Variants in GRIN2B observed in about 807,000 individuals in gnomAD.
GRIN2B encodes the protein glutamate receptor ionotropic, NMDA 2B.
GRIN2B carries 5 observed loss-of-function variants against 114.5 expected under a neutral mutation model. The observed-to-expected ratio is 0.04, with a 90% confidence interval of 0.02 to 0.09. The LOEUF is 0.09. Among genes scored for constraint, GRIN2B ranks in the 10% least tolerant of loss-of-function variants. The pLI, the probability that GRIN2B is intolerant of heterozygous loss-of-function variation, is 1.00. For missense variants in GRIN2B, 1,108 were observed against 1,943.5 expected (o/e 0.57, Z 8.08); for synonymous variants, 787 against 745.1 (o/e 1.06, Z -0.92).
rs118172574 is a variant in GRIN2B at position 13,858,675 on chromosome 12, T to A, written c.411+7123A>T. On this transcript the variant is annotated intron_variant, in intron 3 of 13. Transcript: ENST00000609686. ...CTTCATGTAATAATTCACTTTTTTT[T>A]AACATATTAACACTTCCAAATCTAT... 6.4e-4 allele frequency among the ~76,000 whole-genome samples: 97 copies of A among 152,194 alleles called. No homozygotes were observed. In the East Asian group the frequency reaches 0.014, roughly 22 times the overall value.
At chr12:13,764,060 T>G (rs1336026155) in intron 3 of GRIN2B, among the ~76,000 whole-genome samples, 1 of 151,586 alleles carries the variant, frequency 6.6e-6, no homozygotes, top group African/African-American at 2.4e-5. Context: ...TGCAATACAA[T>G]CCACTAGGAT....
Position 13,981,495 on chromosome 12 carries a change from T to G in GRIN2B, c.-601A>C, listed in dbSNP as rs1863138324. 6.6e-6 allele frequency: 1 copy of G among 151,964 alleles called. No individual in the cohort carries two copies. Among genetic ancestry groups the G allele is most frequent in the African/African-American group, 2.4e-5 (1 of 41,348 alleles). 9.4% of individuals were successfully genotyped at this position (151,964 alleles called of 1,614,324 possible). A position where few individuals can be genotyped will look rare whatever the true frequency, so the allele number is the denominator to read the frequency against. On this transcript the variant is annotated 5_prime_UTR_variant, in exon 1 of 14. Coordinates refer to ENST00000609686, the MANE Select transcript of GRIN2B (RefSeq NM_000834.5). ...CTTTGCAAGGCAAAAGGATATGCAT[T>G]CGGACGCCAGCACTACTGGATGGTG...
chr12:13,878,012 C>T (rs560540741), intron 2 of GRIN2B, among the ~76,000 whole-genome samples: 11 of 144,074 alleles, frequency 7.6e-5, no homozygotes, highest in South Asian at 2.2e-4. Context: ...TCCAATGAGC[C>T]GAGATCGCAC....
intron 4 of GRIN2B, among the ~76,000 whole-genome samples, chr12:13,690,380 C>CAG (rs1950207043): frequency 6.7e-6 from 1 of 148,162 alleles, no homozygotes; most frequent in Admixed American, 6.7e-5. Context: ...CTCTCACACA[C>CAG]ACACACACAC....
intron 4 of GRIN2B, chr12:13,683,794 C>T (rs576608226): frequency 1.3e-5 from 2 of 152,188 alleles, no homozygotes; most frequent in African/African-American, 4.8e-5. Context: ...ATATAAAGGA[C>T]TTAGAATTCT....
chr12:13,580,960 C>A (rs1183385916), intron 10 of GRIN2B, among the ~76,000 whole-genome samples: 1 of 152,110 alleles, frequency 6.6e-6, no homozygotes, highest in African/African-American at 2.4e-5. Context: ...TATGATAATG[C>A]CTTTGAGATT....
chr12:13,575,673 C>CAACAATAATAAT (rs113820666), intron 10 of GRIN2B, among the ~76,000 whole-genome samples: 4 of 147,690 alleles, frequency 2.7e-5, no homozygotes, highest in African/African-American at 7.5e-5. Context: ...ATGATAACAA[C>CAACAATAATAAT]AATAATAATA....
At chr12:13,647,888 C>T (rs1949776658) in intron 5 of GRIN2B, among the ~76,000 whole-genome samples, 1 of 152,066 alleles carries the variant, frequency 6.6e-6, no homozygotes, top group Non-Finnish European at 1.5e-5. Context: ...AGCTTCTCCT[C>T]AATACTATTG....
chr12:13,755,396 A>G (rs141975059), intron 3 of GRIN2B, among the ~76,000 whole-genome samples: 65 of 152,278 alleles, frequency 4.3e-4, no homozygotes, highest in African/African-American at 1.6e-3. Flanking sequence ...TGAACTTTTC[A>G]CATTTTCCAC....
intron 8 of GRIN2B, among the ~76,000 whole-genome samples, chr12:13,614,129 T>C (rs1949403921): frequency 6.6e-6 from 1 of 151,838 alleles, no homozygotes; most frequent in African/African-American, 2.4e-5. Flanking sequence ...AAGGCTGGAA[T>C]TTGCTTCACT....
chr12:13,606,628 C>A (rs1242365662), intron 10 of GRIN2B, among the ~76,000 whole-genome samples: 2 of 152,130 alleles, frequency 1.3e-5, no homozygotes, highest in African/African-American at 2.4e-5. Context: ...TACCCTAAGC[C>A]ACAACCAAGT....
chr12:13,942,279 C>T (rs973174534), intron 2 of GRIN2B, among the ~76,000 whole-genome samples: 2 of 151,906 alleles, frequency 1.3e-5, no homozygotes, highest in Admixed American at 1.3e-4. Flanking sequence ...AGCAAGAACC[C>T]CCTTTTTCTG....
At chr12:13,726,521 CG>C (rs1323524342) in intron 4 of GRIN2B, among the ~76,000 whole-genome samples, 1 of 144,808 alleles carries the variant, frequency 6.9e-6, no homozygotes, top group Middle Eastern at 3.3e-3. Flanking sequence ...GACAAAAGAG[CG>C]AGACTCTGTC....
At chr12:13,939,573 G>A (rs1591632327) in intron 2 of GRIN2B, among the ~76,000 whole-genome samples, 1 of 19,642 alleles carries the variant, frequency 5.1e-5, no homozygotes, top group African/African-American at 1.5e-4. Context: ...TTTCCTTTTT[G>A]AGACAAGGTC....
intron 10 of GRIN2B, 92 bp from the exon 11 acceptor site, chr12:13,572,056 T>G (rs1399499802): frequency 1.0e-5 from 10 of 996,554 alleles, no homozygotes; most frequent in Non-Finnish European, 1.6e-5. Context: ...AGACATTAAG[T>G]AAGTTAGCAT....
intron 4 of GRIN2B, among the ~76,000 whole-genome samples, chr12:13,685,578 T>C (rs1950169246): frequency 6.6e-6 from 1 of 152,158 alleles, no homozygotes; most frequent in Non-Finnish European, 1.5e-5. Context: ...TCAAGATGCC[T>C]GGGTGAAGAT....
At chr12:13,567,662 G>C (rs1292876077) in intron 12 of GRIN2B, among the ~76,000 whole-genome samples, 2 of 152,132 alleles carry the variant, frequency 1.3e-5, no homozygotes, top group African/African-American at 4.8e-5. Flanking sequence ...CGTGAAGTAA[G>C]TAGGAGTTGG....
intron 2 of GRIN2B, among the ~76,000 whole-genome samples, chr12:13,950,029 A>C (rs1429554069): frequency 6.6e-6 from 1 of 152,182 alleles, no homozygotes; most frequent in Non-Finnish European, 1.5e-5. Flanking sequence ...TACAGAACCT[A>C]AGAAGAAAAA....
intron 2 of GRIN2B, among the ~76,000 whole-genome samples, chr12:13,930,546 C>T (rs1470067478): frequency 6.6e-6 from 1 of 152,148 alleles, no homozygotes; most frequent in African/African-American, 2.4e-5. Context: ...TGGGGCCTTC[C>T]CACCATTAAT....
Sources: gnomAD v4.1 joint callset for allele counts (sites outside exome capture counted in the v4.1 genomes callset) on GRCh38, gnomAD v4.1.1 for gene constraint, MANE v1.5 for transcripts, NCBI Gene and HGNC (gene_info 2026-07-23, HGNC 2026-07-21) for gene names.